The following CNOT7 variants were observed in gnomAD, a reference collection of about 807,000 sequenced individuals.
CNOT7 encodes BTG1-binding factor 1.
A neutral mutation model predicts 37.1 loss-of-function variants in CNOT7; 4 were observed. The observed-to-expected ratio is 0.11, with a 90% CI of 0.05 to 0.25. The LOEUF (loss-of-function observed/expected upper bound fraction) is 0.25, where lower values mean the gene tolerates loss of function less well. CNOT7 is among the 10% of genes least tolerant of loss of function. CNOT7 has a pLI of 1.00. For synonymous variants in CNOT7, 128 were observed against 115.6 expected, an observed-to-expected ratio of 1.11 and a Z score of -0.69; for missense variants, 170 against 336.2, an observed-to-expected ratio of 0.51 and a Z score of 3.87.
chr8:17,239,725 C>T (rs1278423309), intron 3 of CNOT7, among the ~76,000 whole-genome samples: 1 of 152,008 alleles, frequency 6.6e-6, no homozygotes, highest in Non-Finnish European at 1.5e-5. Flanking sequence ...GATCTCCTGA[C>T]CTTGTGATCC....
Position 17,228,841 on chromosome 8 carries a change from C to G in CNOT7, c.*1879G>C, listed in dbSNP as rs921981197. ...TTTAAATATTAGTTTTCTCAGCTAA[C>G]AAATCACAAGCGAAAAGAAGCTTCA... is the stretch of plus-strand genomic sequence containing the variant. On this transcript the variant is annotated 3_prime_UTR_variant, in exon 7 of 7. Coordinates refer to ENST00000361272, the MANE Select transcript of CNOT7 (RefSeq NM_013354.7). The G allele has an allele frequency of 3.9e-5, 6 of 151,930 alleles. No homozygotes were observed. The highest frequency in any genetic ancestry group is 1.4e-4 in the African/African-American group (6 of 41,422). The allele number at this position is 151,930 out of a possible 1,614,324, so 9.4% of individuals were successfully genotyped here.
At chr8:17,231,530 T>C in intron 6 of CNOT7, 3 of 985,210 alleles carry the variant, frequency 3.0e-6, no homozygotes, top group Non-Finnish European at 3.6e-6. Context: ...AAAACAGCTT[T>C]AATGCTTTCT....
chr8:17,239,935 G>T (rs950895866), intron 3 of CNOT7, among the ~76,000 whole-genome samples: 1 of 152,194 alleles, frequency 6.6e-6, no homozygotes, highest in African/African-American at 2.4e-5. Context: ...AGTTTGGAGA[G>T]AATTCCCATA....
Position 17,238,314 on chromosome 8 carries a change from G to T in CNOT7, c.312-941C>A, listed in dbSNP as rs1809657317. ...AACACTTGACAAATCTAAACCATGG[G>T]GTTCACTTCACTTGGGCCAAAAAGT... On this transcript the variant is annotated intron_variant, in intron 3 of 6. Transcript: ENST00000361272. Among the ~76,000 whole-genome samples, 4 of 152,054 alleles carry T rather than the reference G, an allele frequency of 2.6e-5. No individual in the cohort carries two copies. In the South Asian group the frequency reaches 8.3e-4, roughly 32 times the overall value.
chr8:17,235,529 T>A (rs982266860), intron 4 of CNOT7, among the ~76,000 whole-genome samples: 2 of 152,152 alleles, frequency 1.3e-5, no homozygotes, highest in Non-Finnish European at 2.9e-5. Context: ...ACTCTCTTGA[T>A]CATAAAATGC....
In CNOT7 at chr8:17,227,027, T is replaced by A. The variant is rs890113987; in HGVS notation, c.*3693A>T. The A allele has an allele frequency of 4.3e-5, 6 of 140,246 alleles. No homozygotes were observed. Among genetic ancestry groups the A allele is most frequent in the Admixed American group, 1.4e-4 (2 of 14,020 alleles). 8.7% of individuals were successfully genotyped at this position (140,246 alleles called of 1,614,324 possible). A position where few individuals can be genotyped will look rare whatever the true frequency, so the allele number is the denominator to read the frequency against. On this transcript the variant is annotated 3_prime_UTR_variant, in exon 7 of 7. Coordinates refer to ENST00000361272, the MANE Select transcript of CNOT7 (RefSeq NM_013354.7). Reference sequence around the variant, plus strand: ...TCTGTTTCTCACAAAAAAAAAAAAATCATGGAACTGAAGATGGTTAAGTCC... The same window carrying A: ...TCTGTTTCTCACAAAAAAAAAAAAAACATGGAACTGAAGATGGTTAAGTCC...
At position 17,237,355 on chromosome 8, in the gene CNOT7, C is replaced by T. The variant is rs1809515573; in HGVS notation, c.330G>A (p.Gln110=). 5 of 1,613,868 alleles carry T rather than the reference C, an allele frequency of 3.1e-6. No homozygotes were observed. In the East Asian group the frequency reaches 1.1e-4, roughly 36 times the overall value. Residue 110 remains glutamine (Q), a synonymous_variant, in exon 4 of 7, where the codon CAG becomes CAA. Transcript: ENST00000361272. ...ATGTTGTTAGTAGCTCTATAGAGTC[C>T]TGGGCATACATGTCCTCCCTGGCAG... is the stretch of plus-strand genomic sequence containing the variant. ...KFNLTEDMYA[Q]DSIELLTTSG...
chr8:17,243,597 A>G (rs917454917), intron 2 of CNOT7: 8 of 458,266 alleles, frequency 1.7e-5, no homozygotes, highest in Non-Finnish European at 2.6e-5. Flanking sequence ...CTTCTCTGAC[A>G]CAAGGTTTTT....
intron 3 of CNOT7, among the ~76,000 whole-genome samples, chr8:17,238,660 C>G (rs1809719254): frequency 6.6e-6 from 1 of 152,170 alleles, no homozygotes; most frequent in Non-Finnish European, 1.5e-5. Flanking sequence ...AAAACAGATT[C>G]TTCTCCAGGT....
chr8:17,243,744 C>G, intron 2 of CNOT7: 4 of 424,740 alleles, frequency 9.4e-6, no homozygotes, highest in South Asian at 1.7e-5. Flanking sequence ...GATGTTATCA[C>G]TTCTCTATGT....
rs1055975067 is a variant in CNOT7 at position 17,227,272 on chromosome 8, TTTA to T, written c.*3445_*3447del. Reference sequence around the variant, plus strand: ...GTAGATTCCACTTCAGGTTGTACTGTTTATCAACTTTTTTGAAAATATTCCCAC... The same window carrying T: ...GTAGATTCCACTTCAGGTTGTACTGTTCAACTTTTTTGAAAATATTCCCAC... On this transcript the variant is annotated 3_prime_UTR_variant, in exon 7 of 7. Transcript: ENST00000361272. 11 of 151,880 alleles carry T rather than the reference TTTA, an allele frequency of 7.2e-5. 1 individual carries two copies. Among genetic ancestry groups the T allele is most frequent in the Admixed American group, 3.3e-4 (5 of 15,220 alleles). 9.4% of individuals were successfully genotyped at this position (151,880 alleles called of 1,614,324 possible). A position where few individuals can be genotyped will look rare whatever the true frequency, so the allele number is the denominator to read the frequency against.
intron 3 of CNOT7, chr8:17,242,282 ATTATT>A (rs777282699): frequency 1.3e-5 from 2 of 152,224 alleles, no homozygotes; most frequent in African/African-American, 4.8e-5. Context: ...ATAAGAATGT[ATTATT>A]TTATTTACCC....
intron 3 of CNOT7, among the ~76,000 whole-genome samples, chr8:17,238,662 T>C (rs1809719959): frequency 6.6e-6 from 1 of 152,146 alleles, no homozygotes; most frequent in Non-Finnish European, 1.5e-5. Context: ...AACAGATTCT[T>C]CTCCAGGTGC....
intron 3 of CNOT7, among the ~76,000 whole-genome samples, chr8:17,240,597 C>A (rs1310011345): frequency 9.9e-5 from 15 of 152,152 alleles, no homozygotes; most frequent in Non-Finnish European, 2.1e-4. Flanking sequence ...GAAAAGGAAA[C>A]TGTCAATTTT....
chr8:17,238,505 GTTTC>G lies in CNOT7; in HGVS notation c.312-1136_312-1133del, dbSNP rs749027219. 5.4e-4 allele frequency among the ~76,000 whole-genome samples: 77 copies of G among 142,436 alleles called. No individual in the cohort carries two copies. The South Asian group carries it at 0.015, about 27-fold the overall frequency. 93.4% of individuals were successfully genotyped at this position (142,436 alleles called of 152,430 possible). On this transcript the variant is annotated intron_variant, in intron 3 of 6. Coordinates refer to ENST00000361272, the MANE Select transcript of CNOT7 (RefSeq NM_013354.7). ...GTAACAGAATAAACCCAATGAAGTA[GTTTC>G]TTTTTTTTTTTTTTTTTCCAGTGAA...
At chr8:17,244,874 G>C in intron 2 of CNOT7, 162 bp downstream of exon 2, 1 of 612,730 alleles carries the variant, frequency 1.6e-6, no homozygotes, top group Non-Finnish European at 2.9e-6. Flanking sequence ...CAAATCACAG[G>C]TGTATTCCTG....
Position 17,231,484 on chromosome 8 carries a change from G to A in CNOT7, c.730-636C>T, listed in dbSNP as rs141464135. 3.9e-5 allele frequency: 38 copies of A among 975,982 alleles called. No individual in the cohort carries two copies. The African/African-American group carries it at 6.3e-4, about 16-fold the overall frequency. 60.5% of individuals were successfully genotyped at this position (975,982 alleles called of 1,614,324 possible). A position where few individuals can be genotyped will look rare whatever the true frequency, so the allele number is the denominator to read the frequency against. On this transcript the variant is annotated intron_variant, in intron 6 of 6. Coordinates refer to ENST00000361272, the MANE Select transcript of CNOT7 (RefSeq NM_013354.7). ...AATATTTACGTGTCATGAATGGATA[G>A]TCCAAATCACTTCTGAATCAACAAC...
chr8:17,230,472 C>CT lies in CNOT7; in HGVS notation c.*247dup, dbSNP rs1808473829. On this transcript the variant is annotated 3_prime_UTR_variant, in exon 7 of 7. Transcript: ENST00000361272. ...TCAATGATGTAGCTTTCCCCACTCT[C>CT]TGTCACACACGCTTGCTAACAAGTA... The CT allele has an allele frequency of 3.8e-6, 1 of 263,084 alleles. No homozygotes were observed. The highest frequency in any genetic ancestry group is 2.2e-5 in the African/African-American group (1 of 45,138). 16.3% of individuals were successfully genotyped at this position (263,084 alleles called of 1,614,324 possible).
chr8:17,233,409 G>C (rs994913487), intron 5 of CNOT7, among the ~76,000 whole-genome samples: 3 of 152,158 alleles, frequency 2.0e-5, no homozygotes, highest in Non-Finnish European at 2.9e-5. Flanking sequence ...AACAGAACTA[G>C]AACTGAATAG....
Sources: gnomAD v4.1 joint callset for allele counts (sites outside exome capture counted in the v4.1 genomes callset) on GRCh38, gnomAD v4.1.1 for gene constraint, MANE v1.5 for transcripts, NCBI Gene and HGNC (gene_info 2026-07-23, HGNC 2026-07-21) for gene names.